SLC25A21: variants seen among roughly 807,000 people sequenced by gnomAD.
SLC25A21 encodes mitochondrial 2-oxodicarboxylate carrier.
A neutral mutation model predicts 43.8 loss-of-function variants in SLC25A21; 47 were observed. The observed-to-expected ratio is 1.07, with a 90% CI of 0.85 to 1.37. SLC25A21 has a LOEUF of 1.37. SLC25A21 is among the 40% of genes most tolerant of loss of function. The pLI is 0.00. For missense variants in SLC25A21, 352 were observed against 350.2 expected (o/e 1.00, Z -0.04); for synonymous variants, 131 against 121.3 (o/e 1.08, Z -0.52).
intron 1 of SLC25A21, among the ~76,000 whole-genome samples, chr14:36,942,663 G>A (rs541562396): frequency 6.6e-6 from 1 of 152,110 alleles, no homozygotes; most frequent in Non-Finnish European, 1.5e-5. Context: ...AAAATATAAC[G>A]TGGTGAAAAG....
intron 3 of SLC25A21, among the ~76,000 whole-genome samples, chr14:36,743,876 C>A (rs1158248783): frequency 6.6e-6 from 1 of 152,062 alleles, no homozygotes. Context: ...TTTCTATATA[C>A]CAATAATAAT....
chr14:36,825,521 T>A (rs1269294983), intron 2 of SLC25A21, among the ~76,000 whole-genome samples: 1 of 152,226 alleles, frequency 6.6e-6, no homozygotes, highest in East Asian at 1.9e-4. Flanking sequence ...AAACATTTAA[T>A]AAAACCAACT....
intron 1 of SLC25A21, among the ~76,000 whole-genome samples, chr14:37,137,165 T>C (rs990947130): frequency 1.2e-4 from 18 of 151,952 alleles, no homozygotes; most frequent in Admixed American, 9.2e-4. Context: ...GCCCAGCTAA[T>C]TTTTTGTATT....
At chr14:37,088,963 A>G (rs1962533823) in intron 1 of SLC25A21, among the ~76,000 whole-genome samples, 1 of 152,216 alleles carries the variant, frequency 6.6e-6, no homozygotes, top group African/African-American at 2.4e-5. Flanking sequence ...TTTGTATAGA[A>G]GTCTAACATA....
intron 1 of SLC25A21, among the ~76,000 whole-genome samples, chr14:37,038,467 T>C (rs969473299): frequency 2.0e-5 from 3 of 152,170 alleles, no homozygotes; most frequent in African/African-American, 4.8e-5. Flanking sequence ...AACAGCAAAA[T>C]GTGACATATT....
intron 1 of SLC25A21, among the ~76,000 whole-genome samples, chr14:37,117,528 T>G (rs1409725889): frequency 6.6e-6 from 1 of 152,182 alleles, no homozygotes; most frequent in African/African-American, 2.4e-5. Flanking sequence ...CATTCTTAGA[T>G]GTGTAGAAAT....
chr14:37,148,258 T>C (rs1009984718), intron 1 of SLC25A21, among the ~76,000 whole-genome samples: 10 of 152,212 alleles, frequency 6.6e-5, no homozygotes, highest in African/African-American at 2.4e-4. Context: ...TTCTAACTTA[T>C]ATAAATAATG....
intron 3 of SLC25A21, among the ~76,000 whole-genome samples, chr14:36,780,536 T>C (rs1040013812): frequency 6.6e-6 from 1 of 152,070 alleles, no homozygotes; most frequent in African/African-American, 2.4e-5. Context: ...GTGTTTTTAT[T>C]CTTGTTTGTC....
intron 1 of SLC25A21, among the ~76,000 whole-genome samples, chr14:36,884,901 T>G (rs1896942): frequency 0.58 from 88,326 of 151,916 alleles, 28,376 homozygotes; most frequent in Non-Finnish European, 0.72. Flanking sequence ...TGCAAGTATT[T>G]TCTCCGAACC....
chr14:36,904,165 G>T (rs1030735105), intron 1 of SLC25A21, among the ~76,000 whole-genome samples: 3 of 152,178 alleles, frequency 2.0e-5, no homozygotes, highest in Admixed American at 1.3e-4. Context: ...TGAGGGGGAC[G>T]CTATAGGCTT....
At chr14:37,083,257 A>G (rs1337547514) in intron 1 of SLC25A21, among the ~76,000 whole-genome samples, 1 of 152,216 alleles carries the variant, frequency 6.6e-6, no homozygotes, top group African/African-American at 2.4e-5. Context: ...TTCAGTCAAC[A>G]AGCATTAAGA....
At chr14:36,882,749 G>C (rs1566706260) in intron 1 of SLC25A21, among the ~76,000 whole-genome samples, 1 of 151,468 alleles carries the variant, frequency 6.6e-6, no homozygotes, top group East Asian at 1.9e-4. Context: ...TTAAATATCT[G>C]ATTGCCTGTT....
chr14:37,135,880 C>T (rs1963472004), intron 1 of SLC25A21, among the ~76,000 whole-genome samples: 1 of 152,204 alleles, frequency 6.6e-6, no homozygotes, highest in Admixed American at 6.5e-5. Flanking sequence ...AAACCTGGTT[C>T]TGCTCTTATC....
chr14:37,109,388 G>C (rs1962978216), intron 1 of SLC25A21, among the ~76,000 whole-genome samples: 1 of 151,584 alleles, frequency 6.6e-6, no homozygotes, highest in Non-Finnish European at 1.5e-5. Context: ...AAAGAAAAAA[G>C]GAGGGAAGGA....
chr14:37,016,765 T>A (rs531223573), intron 1 of SLC25A21, among the ~76,000 whole-genome samples: 1 of 152,122 alleles, frequency 6.6e-6, no homozygotes, highest in Non-Finnish European at 1.5e-5. Context: ...GCCACCTTCA[T>A]CAACGATCTT....
At chr14:36,713,448 T>C (rs1052036130) in intron 6 of SLC25A21, among the ~76,000 whole-genome samples, 17 of 152,260 alleles carry the variant, frequency 1.1e-4, no homozygotes, top group Admixed American at 3.3e-4. Flanking sequence ...TTGGGTGCTG[T>C]GTGTGTATAA....
rs577826500 is a variant in SLC25A21 at position 36,715,848 on chromosome 14, C to T, written c.439-4366G>A. On this transcript the variant is annotated intron_variant, in intron 6 of 9. Transcript: ENST00000331299. The stretch of plus-strand genomic sequence containing the variant: ...GCAGCTCATACCTGTAATTCCAGCA[C>T]TTTGGGAGGCCAAGGAGTGTGGATC... 3.3e-5 allele frequency among the ~76,000 whole-genome samples: 5 copies of T among 152,310 alleles called. No individual in the cohort carries two copies. In the East Asian group the frequency reaches 7.7e-4, roughly 24 times the overall value.
At chr14:37,057,553 CA>C (rs565455143) in intron 1 of SLC25A21, among the ~76,000 whole-genome samples, 229 of 152,216 alleles carry the variant, frequency 1.5e-3, no homozygotes, top group African/African-American at 5.3e-3. Flanking sequence ...CATTCAGCAA[CA>C]GTAATAAAAA....
chr14:36,874,069 G>A (rs564210720), intron 2 of SLC25A21, among the ~76,000 whole-genome samples: 2 of 152,312 alleles, frequency 1.3e-5, no homozygotes, highest in East Asian at 3.9e-4. Context: ...GCATGCCACA[G>A]TCACCTTCTC....
Sources: gnomAD v4.1 joint callset for allele counts (sites outside exome capture counted in the v4.1 genomes callset) on GRCh38, gnomAD v4.1.1 for gene constraint, MANE v1.5 for transcripts, NCBI Gene and HGNC (gene_info 2026-07-23, HGNC 2026-07-21) for gene names.